Variants in SGCZ observed in about 807,000 individuals in gnomAD.
SGCZ encodes the protein zeta-sarcoglycan.
A neutral mutation model predicts 41.3 loss-of-function variants in SGCZ; 40 were observed. The ratio of observed to expected loss-of-function variants is 0.97; its 90% CI spans 0.75 to 1.26. The LOEUF is 1.26. Ranked by LOEUF, SGCZ falls within the 50% of genes most tolerant of loss-of-function variation. The probability of loss-of-function intolerance (pLI) is 0.00; values close to 1 mark genes in which losing one functional copy is unlikely to be tolerated. For synonymous variants in SGCZ, 206 were observed against 137.5 expected (o/e 1.50, Z -3.49); for missense variants, 552 against 369.8 (o/e 1.49, Z -4.04).
intron 4 of SGCZ, among the ~76,000 whole-genome samples, chr8:14,188,679 A>T (rs1804985421): frequency 6.6e-6 from 1 of 152,192 alleles, no homozygotes; most frequent in African/African-American, 2.4e-5. Context: ...TAAATGGATG[A>T]ATTGTATGAT....
chr8:14,319,949 G>C (rs895131466), intron 3 of SGCZ, among the ~76,000 whole-genome samples: 4 of 151,844 alleles, frequency 2.6e-5, no homozygotes, highest in East Asian at 1.9e-4. Context: ...AGTTCTTGTG[G>C]TGAAGAAATA....
intron 1 of SGCZ, among the ~76,000 whole-genome samples, chr8:15,097,477 G>T (rs552112619): frequency 2.0e-5 from 3 of 151,906 alleles, no homozygotes; most frequent in Non-Finnish European, 4.4e-5. Flanking sequence ...GGATGGGCAT[G>T]GTTGCTCAAG....
Position 15,223,856 on chromosome 8 carries a change from T to TTTTATTTATTTATTTATTTATTTA in SGCZ, c.39+13705_39+13728dup, listed in dbSNP as rs35421677. Among the ~76,000 whole-genome samples, 1,015 of 149,780 alleles carry TTTTATTTATTTATTTATTTATTTA rather than the reference T, an allele frequency of 6.8e-3. 8 individuals carry two copies. The highest frequency in any genetic ancestry group is 0.024 in the African/African-American group (974 of 40,660). On this transcript the variant is annotated intron_variant, in intron 1 of 7. Coordinates refer to ENST00000382080, the MANE Select transcript of SGCZ (RefSeq NM_139167.4). ...GCCAGCGAAAAGCTCCTTTTTAAAT[T>TTTTATTTATTTATTTATTTATTTA]TTTATTTATTTATTTATTTATTTAT...
chr8:15,145,478 C>T (rs1480848285), intron 1 of SGCZ, among the ~76,000 whole-genome samples: 2 of 152,056 alleles, frequency 1.3e-5, no homozygotes, highest in African/African-American at 4.8e-5. Context: ...CTTCTGTCTT[C>T]TTTTTTTACA....
rs745319766 is a variant in SGCZ, at chr8:14,086,829, C to T, written c.*3614G>A. Among the ~76,000 whole-genome samples, 9 of 151,632 alleles carry T rather than the reference C, an allele frequency of 5.9e-5. No individual in the cohort carries two copies. On this transcript the variant is annotated 3_prime_UTR_variant, in exon 8 of 8. Transcript: ENST00000382080. ...CTTTTTAAGGTGCAGAAGGAGATCA[C>T]AAATGCTAGTTCAGATATGGCTACT...
At chr8:14,260,660 C>A (rs557684814) in intron 3 of SGCZ, among the ~76,000 whole-genome samples, 2 of 151,746 alleles carry the variant, frequency 1.3e-5, no homozygotes, top group Non-Finnish European at 2.9e-5. Flanking sequence ...ATGTTTATTG[C>A]GGCATTATTC....
intron 3 of SGCZ, among the ~76,000 whole-genome samples, chr8:14,282,629 C>G (rs1465286641): frequency 6.6e-6 from 1 of 152,102 alleles, no homozygotes; most frequent in East Asian, 1.9e-4. Context: ...GAAAGGAGAC[C>G]ACTTTCAGAA....
intron 1 of SGCZ, among the ~76,000 whole-genome samples, chr8:15,192,121 G>T (rs1245753286): frequency 6.6e-6 from 1 of 152,048 alleles, no homozygotes; most frequent in African/African-American, 2.4e-5. Context: ...CCAGTAATGG[G>T]AATATTCTTA....
intron 5 of SGCZ, among the ~76,000 whole-genome samples, chr8:14,126,976 T>C (rs1385146079): frequency 6.6e-6 from 1 of 151,192 alleles, no homozygotes; most frequent in Non-Finnish European, 1.5e-5. Flanking sequence ...TGGGGCCATC[T>C]GGGGGGTCAG....
intron 1 of SGCZ, among the ~76,000 whole-genome samples, chr8:14,608,260 C>CTTTTTTTT (rs35064962): frequency 6.8e-6 from 1 of 148,064 alleles, no homozygotes. Context: ...TTATTTGAGG[C>CTTTTTTTT]TTTTTTTTTT....
intron 2 of SGCZ, among the ~76,000 whole-genome samples, chr8:14,435,481 A>C (rs1800063277): frequency 6.6e-6 from 1 of 152,078 alleles, no homozygotes; most frequent in Non-Finnish European, 1.5e-5. Flanking sequence ...GTTTGTTCTT[A>C]TATCCCTTTA....
chr8:14,089,540 A>C lies in SGCZ; in HGVS notation c.*903T>G, dbSNP rs6996415. 5.7e-4 allele frequency among the ~76,000 whole-genome samples: 87 copies of C among 152,104 alleles called. 1 individual carries two copies. Among genetic ancestry groups the C allele is most frequent in the African/African-American group, 1.6e-3 (65 of 41,534 alleles). Reference sequence around the variant, plus strand: ...AGTGAGTGGAGCAAACAAAAATTATACTATTAAAACCTAGGTGTAAAGGAT... The same window carrying C: ...AGTGAGTGGAGCAAACAAAAATTATCCTATTAAAACCTAGGTGTAAAGGAT... On this transcript the variant is annotated 3_prime_UTR_variant, in exon 8 of 8. Transcript: ENST00000382080.
intron 1 of SGCZ, among the ~76,000 whole-genome samples, chr8:14,860,735 A>AAAGAAAGT (rs1178772574): frequency 9.7e-5 from 11 of 112,828 alleles, no homozygotes; most frequent in South Asian, 5.6e-4. Context: ...AGAAAGAAAG[A>AAAGAAAGT]AAGTAAGTAA....
intron 1 of SGCZ, among the ~76,000 whole-genome samples, chr8:14,709,062 T>C (rs1461366618): frequency 6.6e-6 from 1 of 152,198 alleles, no homozygotes; most frequent in Admixed American, 6.5e-5. Flanking sequence ...AACGAAATTA[T>C]GGTTAACAGT....
At chr8:14,716,010 C>A (rs979642934) in intron 1 of SGCZ, among the ~76,000 whole-genome samples, 5 of 151,812 alleles carry the variant, frequency 3.3e-5, no homozygotes, top group Non-Finnish European at 2.9e-5. Context: ...GCTTCAAAAG[C>A]CAAATTAATA....
intron 1 of SGCZ, among the ~76,000 whole-genome samples, chr8:14,700,776 A>T (rs1055706039): frequency 1.3e-5 from 2 of 151,986 alleles, no homozygotes; most frequent in African/African-American, 4.8e-5. Flanking sequence ...AAATTAGCTA[A>T]TACTTAAGCA....
At position 14,373,007 on chromosome 8, in the gene SGCZ, C is replaced by G. The variant is rs570231051; in HGVS notation, c.235-48803G>C. 5.9e-5 allele frequency among the ~76,000 whole-genome samples: 9 copies of G among 151,962 alleles called. 1 individual carries two copies. The South Asian group carries it at 1.9e-3, about 32-fold the overall frequency. ...AAAGACAGTAGTCACTGCTACTGAC[C>G]CAAGTATTGATAATAACCTGCTTTA... is the stretch of plus-strand genomic sequence containing the variant. On this transcript the variant is annotated intron_variant, in intron 2 of 7. Transcript: ENST00000382080.
chr8:14,244,131 T>G (rs1798991002), intron 3 of SGCZ, among the ~76,000 whole-genome samples: 1 of 151,862 alleles, frequency 6.6e-6, no homozygotes, highest in Non-Finnish European at 1.5e-5. Context: ...ATTACTCCCC[T>G]TCTTTTCTTC....
intron 2 of SGCZ, among the ~76,000 whole-genome samples, chr8:14,327,890 C>G (rs1337321783): frequency 6.6e-6 from 1 of 152,136 alleles, no homozygotes; most frequent in Non-Finnish European, 1.5e-5. Flanking sequence ...AAGTGATTCT[C>G]CTGCCTCAGC....
Sources: allele counts gnomAD v4.1 joint callset (sites outside exome capture counted in the v4.1 genomes callset), GRCh38; gene constraint gnomAD v4.1.1; transcripts MANE v1.5; gene names NCBI Gene and HGNC (gene_info 2026-07-23, HGNC 2026-07-21).